Variants in CFAP46 observed in about 807,000 individuals in gnomAD.
CFAP46 encodes cilia- and flagella-associated protein 46.
Under a neutral mutation model 325.7 loss-of-function variants are expected in CFAP46, and 245 were observed. The observed-to-expected ratio is 0.75, with a 90% CI of 0.68 to 0.84. The LOEUF (loss-of-function observed/expected upper bound fraction) is 0.84. Ranked by LOEUF, CFAP46 falls within the 40% of genes least tolerant of loss-of-function variation. The pLI is 0.00. For synonymous variants in CFAP46, 1,523 were observed against 1,495.9 expected, an observed-to-expected ratio of 1.02 and a Z score of -0.42; for missense variants, 3,346 against 3,543.0, an observed-to-expected ratio of 0.94 and a Z score of 1.41.
At position 132,886,658 on chromosome 10, in the gene CFAP46, C is replaced by T. The variant is rs112705196; in HGVS notation, c.3305-699G>A. Among the ~76,000 whole-genome samples, 12 of 152,288 alleles carry T rather than the reference C, an allele frequency of 7.9e-5. No individual in the cohort carries two copies. The highest frequency in any genetic ancestry group is 2.4e-4 in the African/African-American group (10 of 41,552). On this transcript the variant is annotated intron_variant, in intron 25 of 57. Transcript: ENST00000368586. The surrounding 1 kb of genome is among the most constrained non-coding windows in gnomAD (Gnocchi z 5.8). The stretch of plus-strand genomic sequence containing the variant: ...AAGAGACGGGGTGAACACAGGGCCG[C>T]ATCCCTCACACATCCCCAGTGAGCA...
At position 132,828,136 on chromosome 10, in the gene CFAP46, G is replaced by A. The variant is rs980076099; in HGVS notation, c.7117+5222C>T. Among the ~76,000 whole-genome samples, 14 of 152,208 alleles carry A rather than the reference G, an allele frequency of 9.2e-5. No homozygotes were observed. The highest frequency in any genetic ancestry group is 3.3e-4 in the Admixed American group (5 of 15,280). On this transcript the variant is annotated intron_variant, in intron 50 of 57. Coordinates refer to ENST00000368586, the MANE Select transcript of CFAP46 (RefSeq NM_001200049.3). This position sits in a 1 kb window ranked among gnomAD's most constrained non-coding sequence, Gnocchi z 4.9. ...GTGATGGATCTTTCTGTGGTTTCCCGGTTTAGGTCATTGCAGATAACGCTG... is the reference window on the plus strand; with the variant it reads ...GTGATGGATCTTTCTGTGGTTTCCCAGTTTAGGTCATTGCAGATAACGCTG...
chr10:132,869,462 C>A lies in CFAP46; in HGVS notation c.4512-90G>T. 2 of 871,246 alleles carry A rather than the reference C, an allele frequency of 2.3e-6. No individual in the cohort carries two copies. The highest frequency in any genetic ancestry group is 2.2e-5 in the South Asian group (1 of 46,122). 54.0% of individuals were successfully genotyped at this position (871,246 alleles called of 1,614,324 possible). A position where few individuals can be genotyped will look rare whatever the true frequency, so the allele number is the denominator to read the frequency against. ...ACTAGTGTGCTTCACAGAAAACGGT[C>A]AACTAACACATCGAGGCACACTTGG... On this transcript the variant is annotated intron_variant, in intron 32 of 57. Transcript: ENST00000368586. The surrounding 1 kb of genome is among the most constrained non-coding windows in gnomAD (Gnocchi z 6.2).
In CFAP46 at chr10:132,922,524, C is replaced by A; in HGVS notation, c.1441G>T (p.Ala481Ser). 6.5e-7 allele frequency: 1 copy of A among 1,546,530 alleles called. No homozygotes were observed. Among genetic ancestry groups the A allele is most frequent in the Non-Finnish European group, 8.7e-7 (1 of 1,146,068 alleles). Residue 481 changes from alanine (A) to serine (S), a missense_variant, in exon 12 of 58, where the codon GCC becomes TCC. Physicochemically the swap from Ala to Ser is moderately conservative, Grantham distance 99. Coordinates refer to ENST00000368586, the MANE Select transcript of CFAP46 (RefSeq NM_001200049.3). ...GCCTTGTCCTCTGCGCGCTCAGGGG[C>A]CTGGTATAGCGTGGTGCACAGACGC... ...RLRLCTTLYQ[A>S]PERAEDKAIM...
At chr10:132,833,331 A>G (rs748250927) in intron 50 of CFAP46, 27 bp downstream of exon 50, 25 of 1,591,062 alleles carry the variant, frequency 1.6e-5, no homozygotes. Flanking sequence ...AAAATTACAC[A>G]TTAAGGTGGC....
rs1321274549 is a variant in CFAP46, at chr10:132,872,514, CA to C, written c.4511+161del. ...GATCAAATAGTCCTCCCGTCCCAAC[CA>C]AAAATACCATTTTCATATTCAAATA... On this transcript the variant is annotated intron_variant, in intron 32 of 57. Transcript: ENST00000368586. The C allele has an allele frequency of 6.4e-6, 6 of 943,744 alleles. No individual in the cohort carries two copies. In the East Asian group the frequency reaches 1.3e-4, roughly 21 times the overall value. 58.5% of individuals were successfully genotyped at this position (943,744 alleles called of 1,614,324 possible).
At chr10:132,834,237 A>AGAAGTGAGCGTGGGGATT in intron 48 of CFAP46, 114 bp from the exon 49 acceptor site, 2 of 952,854 alleles carry the variant, frequency 2.1e-6, no homozygotes, top group Non-Finnish European at 3.2e-6. Flanking sequence ...ACGAATCCCC[A>AGAAGTGAGCGTGGGGATT]CGCTCACTTC....
chr10:132,888,312 G>A (rs1338793758), intron 25 of CFAP46, among the ~76,000 whole-genome samples: 2 of 124,386 alleles, frequency 1.6e-5, no homozygotes, highest in Non-Finnish European at 3.2e-5. Flanking sequence ...CTGTACCCCT[G>A]CCACCTTCAC....
chr10:132,855,159 C>T (rs1306864036), intron 39 of CFAP46, among the ~76,000 whole-genome samples: 2 of 78,902 alleles, frequency 2.5e-5, no homozygotes, highest in African/African-American at 1.6e-4. Context: ...TCTATTTCTC[C>T]GTTGCAATTT....
At position 132,909,941 on chromosome 10, in the gene CFAP46, G is replaced by A; in HGVS notation, c.2627C>T (p.Pro876Leu). Residue 876 changes from proline to leucine, a missense_variant, in exon 20 of 58, where the codon CCA becomes CTA. By Grantham distance (98) the Pro-to-Leu change is moderately conservative. Coordinates refer to ENST00000368586, the MANE Select transcript of CFAP46 (RefSeq NM_001200049.3). ...AKQLLQQQIG[P>L]RLGTEEQGTN... ...CACCTGCTCCTCGGTGCCCAGCCGT[G>A]GCCCAATCTGCTGCTGCAGCAGCTG... 6.6e-7 allele frequency: 1 copy of A among 1,515,936 alleles called. No individual in the cohort carries two copies. The highest frequency in any genetic ancestry group is 8.8e-7 in the Non-Finnish European group (1 of 1,133,170). 93.9% of individuals were successfully genotyped at this position (1,515,936 alleles called of 1,614,324 possible). A position where few individuals can be genotyped will look rare whatever the true frequency, so the allele number is the denominator to read the frequency against.
chr10:132,850,142 C>T, intron 41 of CFAP46, 102 bp downstream of exon 41: 1 of 1,162,994 alleles, frequency 8.6e-7, no homozygotes, highest in Non-Finnish European at 1.2e-6. Context: ...CTTCCTGGGG[C>T]CACTGCTGCA....
At chr10:132,864,676 G>A (rs1366318352) in intron 35 of CFAP46, among the ~76,000 whole-genome samples, 126 of 140,938 alleles carry the variant, frequency 8.9e-4, no homozygotes, top group African/African-American at 3.2e-3. Context: ...CCCAGTGCCC[G>A]AGACCTGCAC....
intron 22 of CFAP46, among the ~76,000 whole-genome samples, chr10:132,900,308 C>T (rs1245303885): frequency 6.6e-6 from 1 of 152,218 alleles, no homozygotes; most frequent in African/African-American, 2.4e-5. Context: ...TCCTGGGTGT[C>T]AACAGCAGCA....
intron 5 of CFAP46, among the ~76,000 whole-genome samples, chr10:132,938,028 TCCACCCGTCC>T (rs1445237132): frequency 6.6e-6 from 1 of 152,184 alleles, no homozygotes; most frequent in Non-Finnish European, 1.5e-5. Flanking sequence ...AATGGGGACA[TCCACCCGTCC>T]CCAGCCTGCA....
chr10:132,812,919 G>A (rs1847611169), intron 54 of CFAP46, 22 bp from the exon 55 acceptor site: 14 of 1,577,388 alleles, frequency 8.9e-6, no homozygotes, highest in Non-Finnish European at 1.2e-5. Flanking sequence ...GGAGAGCGCT[G>A]GTCAACAGTG....
At chr10:132,929,352 G>A (rs1849856125) in intron 9 of CFAP46, 9 of 618,302 alleles carry the variant, frequency 1.5e-5, no homozygotes, top group African/African-American at 3.7e-5. Flanking sequence ...TGCGGGTAAC[G>A]AGGCACTGCC....
intron 39 of CFAP46, among the ~76,000 whole-genome samples, chr10:132,851,594 G>A (rs1223124226): frequency 2.0e-5 from 3 of 152,158 alleles, no homozygotes; most frequent in African/African-American, 4.8e-5. Context: ...TTCCAGAACC[G>A]TACCTAAGTG....
At chr10:132,843,977 C>T (rs1848391959) in intron 44 of CFAP46, among the ~76,000 whole-genome samples, 1 of 128,330 alleles carries the variant, frequency 7.8e-6, no homozygotes, top group East Asian at 2.4e-4. Flanking sequence ...TGCTGTGGGG[C>T]TCTGGTCTCA....
intron 48 of CFAP46, 99 bp downstream of exon 48, chr10:132,834,555 G>A (rs955328441): frequency 2.8e-5 from 42 of 1,511,440 alleles, no homozygotes; most frequent in South Asian, 2.5e-4. Flanking sequence ...AAAGGCGGCC[G>A]AGAAGGCACA....
chr10:132,930,117 G>C (rs1384827709), intron 8 of CFAP46, among the ~76,000 whole-genome samples: 1 of 152,130 alleles, frequency 6.6e-6, no homozygotes, highest in Non-Finnish European at 1.5e-5. Flanking sequence ...GAGAAGCACA[G>C]GGATGACGAC....
Sources: allele counts gnomAD v4.1 joint callset (sites outside exome capture counted in the v4.1 genomes callset), GRCh38; gene constraint gnomAD v4.1.1; non-coding constraint Gnocchi (gnomAD v3.1); transcripts MANE v1.5; gene names NCBI Gene and HGNC (gene_info 2026-07-23, HGNC 2026-07-21).